Variants in TRAPPC11 observed in about 807,000 individuals in gnomAD.
TRAPPC11 encodes foie gras homolog.
TRAPPC11 carries 104 observed loss-of-function variants against 151.2 expected under a neutral mutation model. The ratio of observed to expected loss-of-function variants is 0.69; its 90% CI spans 0.59 to 0.81. The LOEUF is 0.81. TRAPPC11 is among the 30% of genes least tolerant of loss of function. The probability of loss-of-function intolerance (pLI) is 0.00; values close to 1 mark genes in which losing one functional copy is unlikely to be tolerated. For synonymous variants in TRAPPC11, 456 were observed against 472.3 expected, an observed-to-expected ratio of 0.97 and a Z score of 0.45; for missense variants, 1,230 against 1,349.6, an observed-to-expected ratio of 0.91 and a Z score of 1.39.
rs368518769 is a variant in TRAPPC11 at position 183,684,239 on chromosome 4, C to T, written c.1366+16C>T. On this transcript the variant is annotated intron_variant, in intron 13 of 29. Transcript: ENST00000334690. ...AGTCACCTAAGTATGTATCCACAAA[C>T]GTCACCATTGCATGCAACTTTGAAT... 4.5e-5 allele frequency: 73 copies of T among 1,613,138 alleles called. No individual in the cohort carries two copies. Among genetic ancestry groups the T allele is most frequent in the African/African-American group, 9.3e-5 (7 of 74,994 alleles).
intron 3 of TRAPPC11, chr4:183,666,824 T>A: frequency 2.1e-6 from 1 of 472,092 alleles, no homozygotes; most frequent in Non-Finnish European, 3.8e-6. Flanking sequence ...AAGTATACAT[T>A]AATCTTTTGC....
intron 18 of TRAPPC11, among the ~76,000 whole-genome samples, chr4:183,691,081 TG>T (rs1320309245): frequency 1.3e-5 from 2 of 152,228 alleles, no homozygotes; most frequent in East Asian, 3.8e-4. Context: ...ACTGTTTCTC[TG>T]GGAGAGGGAT....
intron 2 of TRAPPC11, among the ~76,000 whole-genome samples, chr4:183,665,621 C>T (rs1734840845): frequency 6.6e-6 from 1 of 152,218 alleles, no homozygotes; most frequent in East Asian, 1.9e-4. Context: ...TGAGCCAGCA[C>T]AGCTGATTTG....
chr4:183,690,020 T>TG (rs1736181207), intron 18 of TRAPPC11, among the ~76,000 whole-genome samples: 1 of 151,990 alleles, frequency 6.6e-6, no homozygotes, highest in African/African-American at 2.4e-5. Context: ...CTGGCCAACA[T>TG]GGTGAAACCC....
In TRAPPC11 at chr4:183,697,484, C is replaced by G. The variant is rs1222669371; in HGVS notation, c.2629-19C>G. 3 of 1,591,906 alleles carry G rather than the reference C, an allele frequency of 1.9e-6. No individual in the cohort carries two copies. Among genetic ancestry groups the G allele is most frequent in the Non-Finnish European group, 1.7e-6 (2 of 1,173,998 alleles). ...AGATTTAGAAAATCCATGAATGTGC[C>G]CTTTACATTTTCTTGCAGGATGAAA... On this transcript the variant is annotated intron_variant, in intron 23 of 29. Coordinates refer to ENST00000334690, the MANE Select transcript of TRAPPC11 (RefSeq NM_021942.6).
At chr4:183,665,073 A>G (rs918957467) in intron 2 of TRAPPC11, among the ~76,000 whole-genome samples, 26 of 139,886 alleles carry the variant, frequency 1.9e-4, no homozygotes, top group African/African-American at 6.6e-4. Context: ...CCCTCACACG[A>G]TTATTTTTCT....
Position 183,697,984 on chromosome 4 carries a change from A to G in TRAPPC11, c.2851+149A>G, listed in dbSNP as rs1736629671. The G allele has an allele frequency of 6.2e-6, 4 of 648,220 alleles. No homozygotes were observed. In the Admixed American group the frequency reaches 1.3e-4, roughly 20 times the overall value. 40.2% of individuals were successfully genotyped at this position (648,220 alleles called of 1,614,324 possible). A position where few individuals can be genotyped will look rare whatever the true frequency, so the allele number is the denominator to read the frequency against. On this transcript the variant is annotated intron_variant, in intron 25 of 29. Coordinates refer to ENST00000334690, the MANE Select transcript of TRAPPC11 (RefSeq NM_021942.6). ...ACTCGTGAAAGCAAATGCATATGGA[A>G]TTAAGGTGGAATTAGTGTCATTTAT...
intron 29 of TRAPPC11, among the ~76,000 whole-genome samples, chr4:183,710,657 C>T (rs1737298178): frequency 6.6e-6 from 1 of 152,008 alleles, no homozygotes; most frequent in Non-Finnish European, 1.5e-5. Flanking sequence ...ATACCACTTT[C>T]TAGCAACTTG....
chr4:183,706,455 G>A lies in TRAPPC11; in HGVS notation c.3056-352G>A, dbSNP rs113865026. 2.4e-3 allele frequency among the ~76,000 whole-genome samples: 363 copies of A among 151,886 alleles called. 1 individual carries two copies. Among genetic ancestry groups the A allele is most frequent in the African/African-American group, 8.3e-3 (343 of 41,420 alleles). ...GGACAATGGCGTGAACCCGGGAGGC[G>A]GAGCTTGCAGTGAGCCGAGATAGCA... On this transcript the variant is annotated intron_variant, in intron 27 of 29. Transcript: ENST00000334690.
chr4:183,665,342 C>T (rs182359526), intron 2 of TRAPPC11, among the ~76,000 whole-genome samples: 1 of 152,056 alleles, frequency 6.6e-6, no homozygotes, highest in African/African-American at 2.4e-5. Flanking sequence ...GATCTGCCCA[C>T]CTTGGCCTCC....
chr4:183,687,333 T>C (rs1480264574), intron 18 of TRAPPC11, among the ~76,000 whole-genome samples: 3 of 111,634 alleles, frequency 2.7e-5, no homozygotes, highest in Non-Finnish European at 5.4e-5. Context: ...ATAGTATATA[T>C]ATACTTTTTT....
chr4:183,680,883 G>A (rs1295361994), intron 10 of TRAPPC11, among the ~76,000 whole-genome samples: 8 of 151,594 alleles, frequency 5.3e-5, no homozygotes, highest in Non-Finnish European at 1.2e-4. Context: ...AGTAGAGATG[G>A]GGTTTCGCCA....
rs190478555 is a variant in TRAPPC11, at chr4:183,684,064, G to A, written c.1287+10G>A. The A allele has an allele frequency of 1.3e-3, 2,128 of 1,612,732 alleles. 4 individuals are homozygous for A. The highest frequency in any genetic ancestry group is 1.5e-3 in the Non-Finnish European group (1,809 of 1,178,872). ...AAATGTTGTTCACTCTGTAAGTTTTGTGTCCAATATAAACTATTTTTTACA... is the reference window on the plus strand; with the variant it reads ...AAATGTTGTTCACTCTGTAAGTTTTATGTCCAATATAAACTATTTTTTACA... On this transcript the variant is annotated intron_variant, in intron 12 of 29. Coordinates refer to ENST00000334690, the MANE Select transcript of TRAPPC11 (RefSeq NM_021942.6).
intron 11 of TRAPPC11, 89 bp from the exon 12 acceptor site, chr4:183,683,886 A>G: frequency 1.0e-6 from 1 of 995,658 alleles, no homozygotes; most frequent in East Asian, 2.5e-5. Context: ...TATTAAATAA[A>G]GGTTTCAAGG....
Position 183,660,053 on chromosome 4 carries a change from G to A in TRAPPC11, c.-22+606G>A, listed in dbSNP as rs80271466. On this transcript the variant is annotated intron_variant, in intron 1 of 29. Transcript: ENST00000334690. Reference sequence around the variant, plus strand: ...CTTCTATAGCTGCGCCTCCTTTCGTGTATAGTTTCGTTGGTTGCTCCATTG... The same window carrying A: ...CTTCTATAGCTGCGCCTCCTTTCGTATATAGTTTCGTTGGTTGCTCCATTG... Among the ~76,000 whole-genome samples, 203 of 152,242 alleles carry A rather than the reference G, an allele frequency of 1.3e-3. 4 individuals carry two copies. The East Asian group carries it at 0.03, about 22-fold the overall frequency.
intron 1 of TRAPPC11, among the ~76,000 whole-genome samples, chr4:183,662,245 A>G (rs1001834065): frequency 1.3e-5 from 2 of 151,636 alleles, no homozygotes; most frequent in African/African-American, 2.4e-5. Context: ...AGTCCCAGCT[A>G]CTAGGGAGGC....
intron 26 of TRAPPC11, 57 bp from the exon 27 acceptor site, chr4:183,704,922 T>G: frequency 8.6e-7 from 1 of 1,160,334 alleles, no homozygotes; most frequent in Non-Finnish European, 1.2e-6. Flanking sequence ...TGAACTTCTT[T>G]CATAGTTTAA....
intron 25 of TRAPPC11, among the ~76,000 whole-genome samples, chr4:183,700,694 G>A (rs1432657739): frequency 6.6e-6 from 1 of 152,196 alleles, no homozygotes; most frequent in Non-Finnish European, 1.5e-5. Context: ...TACAGGCTGA[G>A]TATCTCTTAC....
chr4:183,693,617 G>A lies in TRAPPC11; in HGVS notation c.2266G>A (p.Val756Ile), dbSNP rs1398414797. Reference protein sequence around the residue: ...MIISRVPNISVHLLHEPPALT... With the variant: ...MIISRVPNISIHLLHEPPALT... The stretch of plus-strand genomic sequence containing the variant: ...CATATCCAGAGTCCCAAACATTTCT[G>A]TACATCTGCTACATGAACCCCCTGC... Residue 756 changes from valine to isoleucine, a missense_variant, in exon 21 of 30, where the codon GTA becomes ATA. Physicochemically the swap from Val to Ile is conservative, Grantham distance 29. Transcript: ENST00000334690. The A allele has an allele frequency of 3.1e-6, 5 of 1,613,328 alleles. No individual in the cohort carries two copies. The highest frequency in any genetic ancestry group is 1.1e-5 in the South Asian group (1 of 90,898).
Sources: gnomAD v4.1 joint callset for allele counts (sites outside exome capture counted in the v4.1 genomes callset) on GRCh38, gnomAD v4.1.1 for gene constraint, MANE v1.5 for transcripts, NCBI Gene and HGNC (gene_info 2026-07-23, HGNC 2026-07-21) for gene names.